FXN: variants seen among roughly 807,000 people sequenced by gnomAD.
The protein encoded by FXN is frataxin, mitochondrial.
A neutral mutation model predicts 22.4 loss-of-function variants in FXN; 14 were observed. The ratio of observed to expected loss-of-function variants is 0.62; its 90% CI spans 0.41 to 0.98. The LOEUF (loss-of-function observed/expected upper bound fraction) is 0.98, where lower values mean the gene tolerates loss of function less well. FXN is among the 50% of genes least tolerant of loss of function. The probability of loss-of-function intolerance (pLI) is 0.00; values close to 1 mark genes in which losing one functional copy is unlikely to be tolerated. For missense variants in FXN, 267 were observed against 268.4 expected (o/e 0.99, Z 0.04); for synonymous variants, 120 against 114.1 (o/e 1.05, Z -0.33).
intron 1 of FXN, chr9:69,043,413 A>G (rs1352271776): frequency 6.6e-6 from 1 of 152,220 alleles, no homozygotes; most frequent in African/African-American, 2.4e-5. Context: ...GAGATCAATT[A>G]ATTTGTTGTT....
At chr9:69,066,647 C>T (rs1587828868) in intron 4 of FXN, among the ~76,000 whole-genome samples, 1 of 152,034 alleles carries the variant, frequency 6.6e-6, no homozygotes, top group African/African-American at 2.4e-5. Flanking sequence ...TGGATCAGCT[C>T]GGTCCAGCGA....
At chr9:69,052,118 G>A (rs1286397765) in intron 2 of FXN, among the ~76,000 whole-genome samples, 1 of 150,892 alleles carries the variant, frequency 6.6e-6, no homozygotes, top group East Asian at 2.0e-4. Context: ...AAAATGCTAG[G>A]ATTACAGGCG....
chr9:69,048,099 G>A (rs1040617120), intron 2 of FXN, among the ~76,000 whole-genome samples: 1 of 152,194 alleles, frequency 6.6e-6, no homozygotes, highest in Admixed American at 6.5e-5. Flanking sequence ...CCATGTGCCA[G>A]GAACCACATC....
At chr9:69,070,757 G>T in intron 4 of FXN, among the ~76,000 whole-genome samples, 1 of 150,106 alleles carries the variant, frequency 6.7e-6, no homozygotes, top group Non-Finnish European at 1.5e-5. Context: ...CTTTCACATT[G>T]GTTCAAAATA....
intron 3 of FXN, among the ~76,000 whole-genome samples, chr9:69,053,877 T>A (rs921253651): frequency 1.3e-5 from 2 of 152,242 alleles, no homozygotes; most frequent in Non-Finnish European, 2.9e-5. Context: ...AAAGCTCACC[T>A]GGGATTCTAA....
chr9:69,057,054 G>A (rs1831973416), intron 3 of FXN, among the ~76,000 whole-genome samples: 1 of 152,108 alleles, frequency 6.6e-6, no homozygotes, highest in Non-Finnish European at 1.5e-5. Flanking sequence ...ACAGGCATGA[G>A]CCACCATGCA....
rs752207437 is a variant in FXN, at chr9:69,035,910, G to T, written c.128G>T (p.Arg43Leu). ...LAPLCGRRGL[R>L]TDIDATCTPR... ...CCACTCTGCGGCCGCCGTGGCCTGCGCACCGACATCGATGCGACCTGCACG... is the reference window on the plus strand; with the variant it reads ...CCACTCTGCGGCCGCCGTGGCCTGCTCACCGACATCGATGCGACCTGCACG... The change falls in exon 1 of 5, where the codon CGC becomes CTC. Residue 43 changes from arginine (R) to leucine (L), a missense_variant. Transcript: ENST00000484259. 2 of 1,486,432 alleles carry T rather than the reference G, an allele frequency of 1.3e-6. No individual in the cohort carries two copies. Among genetic ancestry groups the T allele is most frequent in the African/African-American group, 1.5e-5 (1 of 68,344 alleles). The allele number at this position is 1,486,432 out of a possible 1,614,324, so 92.1% of individuals were successfully genotyped here.
At chr9:69,049,785 A>G (rs1231294737) in intron 2 of FXN, among the ~76,000 whole-genome samples, 1 of 152,276 alleles carries the variant, frequency 6.6e-6, no homozygotes, top group East Asian at 1.9e-4. Context: ...TATTCATATT[A>G]GCAATCACTC....
chr9:69,053,317 A>G (rs1251566456), intron 3 of FXN, 57 bp downstream of exon 3: 4 of 1,582,190 alleles, frequency 2.5e-6, no homozygotes, highest in Admixed American at 1.7e-5. Context: ...TTAGTTCACT[A>G]AAATGAAGAA....
intron 2 of FXN, among the ~76,000 whole-genome samples, chr9:69,050,719 T>G (rs1165737573): frequency 6.6e-6 from 1 of 152,212 alleles, no homozygotes; most frequent in Non-Finnish European, 1.5e-5. Context: ...TCCAAAGTGA[T>G]TGTCCAACTT....
Position 69,073,041 on chromosome 9 carries a change from C to G in FXN, c.*279C>G. On this transcript the variant is annotated 3_prime_UTR_variant, in exon 5 of 5. Coordinates refer to ENST00000484259, the MANE Select transcript of FXN (RefSeq NM_000144.5). ...CTTTTATAATGTCTTATGCCTATAC[C>G]TGAATATAACAACCTTTAAAAAAGC... 1 of 1,304,102 alleles carries G rather than the reference C, an allele frequency of 7.7e-7. No homozygotes were observed. The highest frequency in any genetic ancestry group is 9.7e-7 in the Non-Finnish European group (1 of 1,025,928). 80.8% of individuals were successfully genotyped at this position (1,304,102 alleles called of 1,614,324 possible).
At position 69,078,141 on chromosome 9, in the gene FXN, TG is replaced by T; in HGVS notation, c.*5380del. The T allele has an allele frequency of 1.0e-6, 1 of 985,286 alleles. No homozygotes were observed. Among genetic ancestry groups the T allele is most frequent in the Non-Finnish European group, 1.2e-6 (1 of 829,898 alleles). 61.0% of individuals were successfully genotyped at this position (985,286 alleles called of 1,614,324 possible). ...AAAGCTCAAAAGTAATAGAAACAGA[TG>T]AGTTTGGAGTCAGGATTTCTCTGTA... On this transcript the variant is annotated 3_prime_UTR_variant, in exon 5 of 5. Transcript: ENST00000484259.
intron 2 of FXN, among the ~76,000 whole-genome samples, chr9:69,048,862 T>G (rs1291230576): frequency 6.6e-6 from 1 of 152,202 alleles, no homozygotes; most frequent in Admixed American, 6.5e-5. Flanking sequence ...GCTCACAAGG[T>G]CTGAAGAACC....
Position 69,077,465 on chromosome 9 carries a change from C to T in FXN, c.*4703C>T, listed in dbSNP as rs1832391174. ...GATTTATTTAGACAGTTGAGGAAAA[C>T]ATCAGCACCCAGCAGTAAAATTGGC... is the stretch of plus-strand genomic sequence containing the variant. On this transcript the variant is annotated 3_prime_UTR_variant, in exon 5 of 5. Coordinates refer to ENST00000484259, the MANE Select transcript of FXN (RefSeq NM_000144.5). The T allele has an allele frequency of 2.7e-5, 27 of 985,426 alleles. No homozygotes were observed. The highest frequency in any genetic ancestry group is 3.1e-5 in the Non-Finnish European group (26 of 829,938). 61.0% of individuals were successfully genotyped at this position (985,426 alleles called of 1,614,324 possible).
At position 69,077,962 on chromosome 9, in the gene FXN, G is replaced by T. The variant is rs967777381; in HGVS notation, c.*5200G>T. 9 of 983,966 alleles carry T rather than the reference G, an allele frequency of 9.1e-6. No individual in the cohort carries two copies. In the Admixed American group the frequency reaches 2.5e-4, roughly 27 times the overall value. 61.0% of individuals were successfully genotyped at this position (983,966 alleles called of 1,614,324 possible). On this transcript the variant is annotated 3_prime_UTR_variant, in exon 5 of 5. Coordinates refer to ENST00000484259, the MANE Select transcript of FXN (RefSeq NM_000144.5). ...GTAATTCCCGTGTCTGCCATCTTAAGTGTAAAGGTGGCTAAATTATATAGA... is the reference window on the plus strand; with the variant it reads ...GTAATTCCCGTGTCTGCCATCTTAATTGTAAAGGTGGCTAAATTATATAGA...
At chr9:69,037,995 A>G (rs1831594598) in intron 1 of FXN, among the ~76,000 whole-genome samples, 1 of 152,204 alleles carries the variant, frequency 6.6e-6, no homozygotes, top group South Asian at 2.1e-4. Flanking sequence ...GAGGTGGTAC[A>G]GTTTTTTAGA....
rs151027782 is a variant in FXN, at chr9:69,044,030, G to A, written c.166-2355G>A. ...GAGCTACCATGCCCAGCCAAGATCAGTGTTAATGAATCAACTATATATATT... is the reference window on the plus strand; with the variant it reads ...GAGCTACCATGCCCAGCCAAGATCAATGTTAATGAATCAACTATATATATT... On this transcript the variant is annotated intron_variant, in intron 1 of 4. Coordinates refer to ENST00000484259, the MANE Select transcript of FXN (RefSeq NM_000144.5). Among the ~76,000 whole-genome samples the A allele has an allele frequency of 4.7e-4, 72 of 152,292 alleles. No individual in the cohort carries two copies. In the East Asian group the frequency reaches 0.013, roughly 27 times the overall value.
At chr9:69,036,023 C>G (rs1831544846) in intron 1 of FXN, 76 bp downstream of exon 1, 1 of 1,189,802 alleles carries the variant, frequency 8.4e-7, no homozygotes, top group Non-Finnish European at 1.1e-6. Flanking sequence ...AGGGAGGCGC[C>G]GCGCACGCCG....
At position 69,077,038 on chromosome 9, in the gene FXN, C is replaced by T. The variant is rs566191092; in HGVS notation, c.*4276C>T. 1.5e-5 allele frequency: 8 copies of T among 534,472 alleles called. No individual in the cohort carries two copies. The highest frequency in any genetic ancestry group is 9.5e-4 in the Middle Eastern group (1 of 1,048). 33.1% of individuals were successfully genotyped at this position (534,472 alleles called of 1,614,324 possible). A position where few individuals can be genotyped will look rare whatever the true frequency, so the allele number is the denominator to read the frequency against. On this transcript the variant is annotated 3_prime_UTR_variant, in exon 5 of 5. Coordinates refer to ENST00000484259, the MANE Select transcript of FXN (RefSeq NM_000144.5). ...CAAGCAATTCTCTGCCTCAGCCTCCCGAGTAGCTGGGATTACAGGTGCCTG... is the reference window on the plus strand; with the variant it reads ...CAAGCAATTCTCTGCCTCAGCCTCCTGAGTAGCTGGGATTACAGGTGCCTG...
Sources: allele counts gnomAD v4.1 joint callset (sites outside exome capture counted in the v4.1 genomes callset), GRCh38; gene constraint gnomAD v4.1.1; transcripts MANE v1.5; gene names NCBI Gene and HGNC (gene_info 2026-07-23, HGNC 2026-07-21).